The following SLC38A10 variants were observed in gnomAD, a reference collection of about 807,000 sequenced individuals.
The protein encoded by SLC38A10 is Sodium-coupled neutral amino acid transporter 10.
Under a neutral mutation model 81.0 loss-of-function variants are expected in SLC38A10, and 53 were observed. The observed-to-expected ratio is 0.65, with a 90% CI of 0.53 to 0.82. The LOEUF (loss-of-function observed/expected upper bound fraction) is 0.82. Among genes scored for constraint, SLC38A10 ranks in the 40% least tolerant of loss-of-function variants. SLC38A10 has a pLI of 0.00. For synonymous variants in SLC38A10, 665 were observed against 655.3 expected (o/e 1.01, Z -0.23); for missense variants, 1,471 against 1,545.0 (o/e 0.95, Z 0.80).
At chr17:81,249,966 A>T (rs1337119964) in intron 14 of SLC38A10, 1 of 1,090,808 alleles carries the variant, frequency 9.2e-7, no homozygotes, top group Non-Finnish European at 1.2e-6. Context: ...ACGTGTCCCC[A>T]TGCAGGGCTG....
rs570158157 is a variant in SLC38A10 at position 81,250,178 on chromosome 17, G to A, written c.2065+1315C>T. On this transcript the variant is annotated intron_variant, in intron 14 of 15. Coordinates refer to ENST00000374759, the MANE Select transcript of SLC38A10 (RefSeq NM_001037984.3). ...TTTTTCAGAAAGAAGAAAATCAAAA[G>A]AATCAAACAGGTTCAGGTAACAGAG... is the stretch of plus-strand genomic sequence containing the variant. The A allele has an allele frequency of 4.1e-5, 50 of 1,224,406 alleles. 1 individual carries two copies. The Middle Eastern group carries it at 1.3e-3, about 33-fold the overall frequency. 75.8% of individuals were successfully genotyped at this position (1,224,406 alleles called of 1,614,324 possible). A position where few individuals can be genotyped will look rare whatever the true frequency, so the allele number is the denominator to read the frequency against.
At position 81,275,515 on chromosome 17, in the gene SLC38A10, C is replaced by T. The variant is rs985729720; in HGVS notation, c.912+454G>A. On this transcript the variant is annotated intron_variant, in intron 8 of 15. Transcript: ENST00000374759. ...TTGGGAGGCCGAGACGGGCGGATCA[C>T]GAGGTCAGGAGATCGAGACCATCCT... 5.9e-5 allele frequency among the ~76,000 whole-genome samples: 9 copies of T among 151,684 alleles called. No homozygotes were observed. The South Asian group carries it at 8.3e-4, about 14-fold the overall frequency.
chr17:81,272,513 T>C lies in SLC38A10; in HGVS notation c.1024+3A>G, dbSNP rs960913405. The C allele has an allele frequency of 5.0e-6, 8 of 1,584,708 alleles. No homozygotes were observed. The highest frequency in any genetic ancestry group is 6.9e-6 in the Non-Finnish European group (8 of 1,167,860). ...CGGCAACAGGGCAGCCCTCCCGCCT[T>C]ACCGTTGGGGATAAGGATGCCACCA... On this transcript the variant is annotated splice_donor_region_variant and intron_variant, in intron 9 of 15. Coordinates refer to ENST00000374759, the MANE Select transcript of SLC38A10 (RefSeq NM_001037984.3).
rs1226404082 is a variant in SLC38A10 at position 81,282,255 on chromosome 17, G to A, written c.435C>T (p.Asn145=). ...CIVLPLSLQR[N]MMASIQSFSA... is the part of the protein sequence containing the mutation. ...TGAAGGACTGGATGGAGGCCATCAT[G>A]TTCCGCTGCAGGCTGAGCGGGAGCA... The change falls in exon 5 of 16, where the codon AAC becomes AAT. Residue 145 remains asparagine (N), a synonymous_variant. Coordinates refer to ENST00000374759, the MANE Select transcript of SLC38A10 (RefSeq NM_001037984.3). 6.8e-6 allele frequency: 11 copies of A among 1,613,564 alleles called. No individual in the cohort carries two copies. The highest frequency in any genetic ancestry group is 9.3e-6 in the Non-Finnish European group (11 of 1,180,046).
intron 1 of SLC38A10, among the ~76,000 whole-genome samples, chr17:81,290,860 G>T (rs2063304811): frequency 6.6e-6 from 1 of 152,022 alleles, no homozygotes; most frequent in Admixed American, 6.5e-5. Flanking sequence ...ACAAAAATTA[G>T]CTGAGCATGG....
Position 81,294,893 on chromosome 17 carries a change from C to A in SLC38A10, c.29G>T (p.Gly10Val). Residue 10 changes from glycine (G) to valine (V), a missense_variant, in exon 1 of 16, where the codon GGG (glycine) becomes GTG (valine). Physicochemically the swap from Gly to Val is moderately radical, Grantham distance 109. Around this residue, in one of 2 missense-constraint regions of SLC38A10, gnomAD observed 720 missense variants for 827.7 expected, o/e 0.87. Coordinates refer to ENST00000374759, the MANE Select transcript of SLC38A10 (RefSeq NM_001037984.3). ...GCTGTTCACGATGTTCGTGATCAGC[C>A]CCCAGTTGGAGGCGGCGGCCGCGGT... MTAAAASNW[G>V]LITNIVNSIV... 1 of 1,593,400 alleles carries A rather than the reference C, an allele frequency of 6.3e-7. No homozygotes were observed. The highest frequency in any genetic ancestry group is 1.1e-5 in the South Asian group (1 of 88,312).
At position 81,286,354 on chromosome 17, in the gene SLC38A10, C is replaced by T. The variant is rs1209931757; in HGVS notation, c.218-1459G>A. Among the ~76,000 whole-genome samples the T allele has an allele frequency of 6.6e-6, 1 of 152,234 alleles. No homozygotes were observed. Among genetic ancestry groups the T allele is most frequent in the Non-Finnish European group, 1.5e-5 (1 of 68,022 alleles). ...GGCTGTCTAGGAAATCAGGGCAGCA[C>T]TCTCTTCTGGTTCCCAGGACAACGT... On this transcript the variant is annotated intron_variant, in intron 2 of 15. Transcript: ENST00000374759. This position sits in a 1 kb window ranked among gnomAD's most constrained non-coding sequence, Gnocchi z 6.0.
At chr17:81,249,467 AGGGAAGAGGAGGGAGGAGAGAAG>A (rs1470816277) in intron 14 of SLC38A10, among the ~76,000 whole-genome samples, 10 of 5,870 alleles carry the variant, frequency 1.7e-3, no homozygotes, top group Non-Finnish European at 3.6e-3. Context: ...AGGAGGGAGG[AGGGAAGAGGAGGGAGGAGAGAAG>A]AGGAGGGAGA....
At position 81,247,025 on chromosome 17, in the gene SLC38A10, AG is replaced by A. The variant is rs1342628202; in HGVS notation, c.2101del (p.Leu701CysfsTer4). On this transcript the variant is annotated frameshift_variant, in exon 15 of 16. Coordinates refer to ENST00000374759, the MANE Select transcript of SLC38A10 (RefSeq NM_001037984.3). LOFTEE classifies it high-confidence loss of function. ...GRAEMLDHAV[L>X]LQVIKEQQVQ... The stretch of plus-strand genomic sequence containing the variant: ...CTGCTGTTCTTTGATCACCTGAAGC[AG>A]GACGGCGTGGTCCAGCATCTCCGCC... 1 of 1,600,036 alleles carries A rather than the reference AG, an allele frequency of 6.2e-7. No homozygotes were observed. Among genetic ancestry groups the A allele is most frequent in the Admixed American group, 1.7e-5 (1 of 59,798 alleles).
intron 10 of SLC38A10, among the ~76,000 whole-genome samples, chr17:81,269,756 G>A (rs531847589): frequency 1.3e-5 from 2 of 152,144 alleles, no homozygotes; most frequent in South Asian, 2.1e-4. Flanking sequence ...AGGTGGAGGC[G>A]GGTGGATCAC....
intron 4 of SLC38A10, among the ~76,000 whole-genome samples, chr17:81,282,632 C>T (rs775969485): frequency 6.6e-5 from 10 of 152,192 alleles, no homozygotes; most frequent in African/African-American, 2.2e-4. Context: ...GGCTGTGAGT[C>T]GGACTCAGCT....
In SLC38A10 at chr17:81,253,277, A is replaced by G. The variant is rs544781916; in HGVS notation, c.1289-37T>C. ...GCACAGTTAGGGAACTGCACTGCCA[A>G]GCAGCTCCAGGAGCGGGGCAGCTCT... On this transcript the variant is annotated intron_variant, in intron 11 of 15. Transcript: ENST00000374759. The surrounding 1 kb of genome is among the most constrained non-coding windows in gnomAD (Gnocchi z 4.1). 275 of 1,604,094 alleles carry G rather than the reference A, an allele frequency of 1.7e-4. 3 individuals carry two copies. In the South Asian group the frequency reaches 2.2e-3, roughly 13 times the overall value.
intron 1 of SLC38A10, among the ~76,000 whole-genome samples, 195 bp from the exon 2 acceptor site, chr17:81,290,003 T>C (rs2063298138): frequency 2.6e-5 from 4 of 152,196 alleles, no homozygotes. Context: ...TGTCCAGGGA[T>C]GAAGCTGTAT....
chr17:81,261,208 G>GCCCGGCTCCTGCCAC (rs1317875127), intron 10 of SLC38A10, among the ~76,000 whole-genome samples: 3 of 152,154 alleles, frequency 2.0e-5, no homozygotes, highest in African/African-American at 7.2e-5. Flanking sequence ...ACACTGCTTG[G>GCCCGGCTCCTGCCAC]CCCGGCTCCT....
At chr17:81,292,053 G>A (rs1486394972) in intron 1 of SLC38A10, among the ~76,000 whole-genome samples, 1 of 152,024 alleles carries the variant, frequency 6.6e-6, no homozygotes. Context: ...ATTTTTGTAT[G>A]TCAAACTTCA....
intron 11 of SLC38A10, among the ~76,000 whole-genome samples, chr17:81,254,641 T>C (rs1490486400): frequency 3.9e-5 from 6 of 152,294 alleles, no homozygotes; most frequent in African/African-American, 1.4e-4. Context: ...AGACAGGGTT[T>C]CACCACGTTG....
chr17:81,285,146 T>G, intron 2 of SLC38A10: 1 of 408,072 alleles, frequency 2.5e-6, no homozygotes, highest in Non-Finnish European at 4.4e-6. Flanking sequence ...TCAATCAGAT[T>G]TTTTAACAGA....
At chr17:81,274,898 T>C (rs985360053) in intron 8 of SLC38A10, among the ~76,000 whole-genome samples, 1 of 152,156 alleles carries the variant, frequency 6.6e-6, no homozygotes, top group Non-Finnish European at 1.5e-5. Context: ...AAACCCAGCC[T>C]CACTTTTTAT....
rs535473480 is a variant in SLC38A10 at position 81,249,054 on chromosome 17, G to A, written c.2066-1993C>T. ...AACCACGGAATGTCAATGGTACAAG[G>A]ACGAGATCCCATGTGCTGGTGACAC... On this transcript the variant is annotated intron_variant, in intron 14 of 15. Transcript: ENST00000374759. 5.9e-5 allele frequency among the ~76,000 whole-genome samples: 9 copies of A among 152,162 alleles called. 1 individual carries two copies. The South Asian group carries it at 1.9e-3, about 32-fold the overall frequency.
Sources: gnomAD v4.1 joint callset for allele counts (sites outside exome capture counted in the v4.1 genomes callset) on GRCh38, gnomAD v4.1.1 for gene constraint, gnomAD v4.1.1 regional missense constraint, Gnocchi (gnomAD v3.1) non-coding constraint, MANE v1.5 for transcripts, NCBI Gene and HGNC (gene_info 2026-07-23, HGNC 2026-07-21) for gene names.